The following SENP2 variants were observed in gnomAD, a reference collection of about 807,000 sequenced individuals.
The protein encoded by SENP2 is sentrin-specific protease 2.
SENP2 carries 16 observed loss-of-function variants against 86.3 expected under a neutral mutation model. The observed-to-expected ratio is 0.19, with a 90% CI of 0.13 to 0.28. The LOEUF (loss-of-function observed/expected upper bound fraction) is 0.28. Among genes scored for constraint, SENP2 ranks in the 10% least tolerant of loss-of-function variants. SENP2 has a pLI of 1.00. For missense variants in SENP2, 552 were observed against 703.0 expected (o/e 0.79, Z 2.43); for synonymous variants, 222 against 238.7 (o/e 0.93, Z 0.64).
chr3:185,630,154 T>G lies in SENP2; in HGVS notation c.*310T>G, dbSNP rs1357329635. 2 of 270,392 alleles carry G rather than the reference T, an allele frequency of 7.4e-6. No homozygotes were observed. Among genetic ancestry groups the G allele is most frequent in the East Asian group, 1.2e-4 (2 of 16,438 alleles). The allele number at this position is 270,392 out of a possible 1,614,324, so 16.7% of individuals were successfully genotyped here. On this transcript the variant is annotated 3_prime_UTR_variant, in exon 17 of 17. Coordinates refer to ENST00000296257, the MANE Select transcript of SENP2 (RefSeq NM_021627.3). The stretch of plus-strand genomic sequence containing the variant: ...ATGAATGTGGGAAATGCAGGATTTA[T>G]TCTGTGAATTGTTTGTTTCTGTGTG...
chr3:185,622,618 A>G, intron 14 of SENP2, among the ~76,000 whole-genome samples: 1 of 152,070 alleles, frequency 6.6e-6, no homozygotes, highest in East Asian at 1.9e-4. Context: ...AAATCATAAG[A>G]TACACCAATT....
intron 16 of SENP2, among the ~76,000 whole-genome samples, chr3:185,628,244 C>A (rs995255871): frequency 4.4e-4 from 67 of 152,110 alleles, no homozygotes; most frequent in African/African-American, 1.6e-3. Flanking sequence ...TCAAGCGATT[C>A]TTCTGCCTCA....
intron 2 of SENP2, among the ~76,000 whole-genome samples, chr3:185,592,321 G>A (rs971116270): frequency 7.2e-5 from 11 of 151,866 alleles, no homozygotes; most frequent in African/African-American, 2.2e-4. Flanking sequence ...CCAAAGTGCC[G>A]GGATTATGGA....
intron 3 of SENP2, 24 bp from the exon 4 acceptor site, chr3:185,598,934 G>A (rs754359302): frequency 8.8e-6 from 14 of 1,591,064 alleles, no homozygotes. Context: ...AGATGCTACA[G>A]AAGTGATTCT....
chr3:185,616,379 G>T (rs189514709), intron 11 of SENP2, among the ~76,000 whole-genome samples: 1 of 150,230 alleles, frequency 6.7e-6, no homozygotes, highest in Admixed American at 6.7e-5. Flanking sequence ...ACTGAGGCAT[G>T]AAAATTGCTT....
chr3:185,592,444 C>G (rs1264290307), intron 2 of SENP2, among the ~76,000 whole-genome samples: 1 of 152,008 alleles, frequency 6.6e-6, no homozygotes, highest in African/African-American at 2.4e-5. Context: ...TAATATATTC[C>G]TCTTTCTCAA....
At chr3:185,611,591 G>T in intron 7 of SENP2, 60 bp from the exon 8 acceptor site, 3 of 1,011,646 alleles carry the variant, frequency 3.0e-6, no homozygotes, top group South Asian at 2.6e-5. Context: ...CAGAGATAAT[G>T]CATATTAATG....
intron 14 of SENP2, among the ~76,000 whole-genome samples, chr3:185,622,146 G>T (rs1711917620): frequency 6.6e-6 from 1 of 152,192 alleles, no homozygotes; most frequent in East Asian, 1.9e-4. Context: ...CCTGTGACTT[G>T]CATTAGATTT....
intron 10 of SENP2, among the ~76,000 whole-genome samples, chr3:185,613,971 A>G (rs777152471): frequency 1.1e-4 from 17 of 152,094 alleles, no homozygotes; most frequent in Non-Finnish European, 1.9e-4. Flanking sequence ...CATGTTACCT[A>G]CATTTTATGG....
intron 2 of SENP2, among the ~76,000 whole-genome samples, chr3:185,595,446 A>C (rs1722145852): frequency 6.6e-6 from 1 of 152,150 alleles, no homozygotes; most frequent in African/African-American, 2.4e-5. Flanking sequence ...GGTACTTATA[A>C]CTATTAGCAA....
chr3:185,600,705 T>C (rs1218397131), intron 4 of SENP2, 60 bp from the exon 5 acceptor site: 3 of 1,132,230 alleles, frequency 2.6e-6, no homozygotes, highest in Non-Finnish European at 4.0e-6. Context: ...TTTCTTTCCT[T>C]ATGCAGACTG....
At chr3:185,626,634 G>T (rs1007454205) in intron 16 of SENP2, among the ~76,000 whole-genome samples, 2 of 151,646 alleles carry the variant, frequency 1.3e-5, no homozygotes, top group Non-Finnish European at 2.9e-5. Flanking sequence ...TTAGCCAGGC[G>T]TGGTGGTGCA....
intron 7 of SENP2, among the ~76,000 whole-genome samples, chr3:185,610,431 G>A (rs549743227): frequency 1.3e-5 from 2 of 152,050 alleles, no homozygotes; most frequent in South Asian, 4.1e-4. Context: ...CAGAGTGCTG[G>A]GATTACAGGC....
intron 13 of SENP2, among the ~76,000 whole-genome samples, chr3:185,619,708 ATTTT>A (rs1711768318): frequency 6.6e-6 from 1 of 151,598 alleles, no homozygotes. Flanking sequence ...TCTTTAAAAA[ATTTT>A]ATGTTTATTT....
chr3:185,609,348 C>T lies in SENP2; in HGVS notation c.720C>T (p.His240=), dbSNP rs760746954. ...NSVCPVTSNY[H]SSQRSQMDTL... ...TCTGTCCTGTAACTTCAAATTATCA[C>T]AGGTGACAGTGAGCTAACAGATAAT... is the stretch of plus-strand genomic sequence containing the variant. Residue 240 remains histidine, a splice_region_variant and synonymous_variant, in exon 7 of 17, where the codon CAC becomes CAT. Transcript: ENST00000296257. 4 of 1,601,246 alleles carry T rather than the reference C, an allele frequency of 2.5e-6. No homozygotes were observed. The African/African-American group carries it at 5.4e-5, about 21-fold the overall frequency.
At chr3:185,598,780 A>G (rs1437720534) in intron 3 of SENP2, among the ~76,000 whole-genome samples, 178 bp from the exon 4 acceptor site, 2 of 152,212 alleles carry the variant, frequency 1.3e-5, no homozygotes, top group Non-Finnish European at 2.9e-5. Context: ...AAGGATGTAC[A>G]AAGAAACTAG....
At chr3:185,609,154 C>T (rs1722606030) in intron 6 of SENP2, 93 bp from the exon 7 acceptor site, 3 of 765,590 alleles carry the variant, frequency 3.9e-6, no homozygotes, top group Non-Finnish European at 6.5e-6. Context: ...AAACATAGTG[C>T]TGGCAAATAA....
At chr3:185,597,085 C>T (rs922015622) in intron 2 of SENP2, among the ~76,000 whole-genome samples, 1 of 152,140 alleles carries the variant, frequency 6.6e-6, no homozygotes, top group East Asian at 1.9e-4. Context: ...AACTCCTGAC[C>T]TCGTGATCTG....
intron 7 of SENP2, chr3:185,611,391 A>G: frequency 3.2e-6 from 1 of 311,576 alleles, no homozygotes; most frequent in Non-Finnish European, 5.9e-6. Context: ...TTTTTCAGTT[A>G]GTGCATCACT....
Sources: gnomAD v4.1 joint callset for allele counts (sites outside exome capture counted in the v4.1 genomes callset) on GRCh38, gnomAD v4.1.1 for gene constraint, MANE v1.5 for transcripts, NCBI Gene and HGNC (gene_info 2026-07-23, HGNC 2026-07-21) for gene names.